The following KHDC1 variants were observed in gnomAD, a reference collection of about 807,000 sequenced individuals.
KHDC1 encodes KH domain containing 1.
A neutral mutation model predicts 24.7 loss-of-function variants in KHDC1; 21 were observed. The ratio of observed to expected loss-of-function variants is 0.85; its 90% CI spans 0.60 to 1.23. KHDC1 has a LOEUF of 1.23. Ranked by LOEUF, KHDC1 falls within the 50% of genes most tolerant of loss-of-function variation. The probability of loss-of-function intolerance (pLI) is 0.00; values close to 1 mark genes in which losing one functional copy is unlikely to be tolerated. For synonymous variants in KHDC1, 98 were observed against 111.7 expected (o/e 0.88, Z 0.77); for missense variants, 274 against 298.5 (o/e 0.92, Z 0.61).
At chr6:73,259,852 C>A (rs1766947430) in intron 2 of KHDC1, among the ~76,000 whole-genome samples, 1 of 152,146 alleles carries the variant, frequency 6.6e-6, no homozygotes, top group South Asian at 2.1e-4. Flanking sequence ...CCTAACTAGG[C>A]ATTTACCATA....
At chr6:73,277,857 G>A (rs1472920709) in intron 2 of KHDC1, among the ~76,000 whole-genome samples, 1 of 131,706 alleles carries the variant, frequency 7.6e-6, no homozygotes, top group Non-Finnish European at 1.6e-5. Flanking sequence ...GATGGAGATC[G>A]TGTCTCAAAA....
At chr6:73,276,619 G>A (rs541662638) in intron 2 of KHDC1, 1 of 152,014 alleles carries the variant, frequency 6.6e-6, no homozygotes, top group South Asian at 2.1e-4. Flanking sequence ...GTGAGCAGTG[G>A]TTGCACCACC....
rs1359273984 is a variant in KHDC1, at chr6:73,242,066, T to TGATAG, written c.498_502dup (p.His168ProfsTer19). 6.2e-7 allele frequency: 1 copy of TGATAG among 1,612,586 alleles called. No individual in the cohort carries two copies. Among genetic ancestry groups the TGATAG allele is most frequent in the African/African-American group, 1.3e-5 (1 of 74,898 alleles). On this transcript the variant is annotated frameshift_variant, in exon 4 of 5. Coordinates refer to ENST00000370384, the Ensembl canonical transcript of KHDC1. LOFTEE classifies it low-confidence loss of function (END_TRUNC). ...CCAAGGATACCTACCTCGAGCATGA[T>TGATAG]GATAGGAGTCCTGGCTCCCCACACA...
At chr6:73,292,912 C>A in intron 1 of KHDC1, 4 of 815,348 alleles carry the variant, frequency 4.9e-6, no homozygotes, top group Non-Finnish European at 8.3e-6. Context: ...TGAACGACTT[C>A]TTGGTGGCTT....
chr6:73,304,261 CTG>C (rs1214249094), intron 1 of KHDC1, among the ~76,000 whole-genome samples: 1 of 151,974 alleles, frequency 6.6e-6, no homozygotes, highest in Non-Finnish European at 1.5e-5. Flanking sequence ...TATTGAAACA[CTG>C]TGATTTTTGA....
chr6:73,301,343 C>G (rs555783044), intron 1 of KHDC1: 1 of 152,260 alleles, frequency 6.6e-6, no homozygotes, highest in Non-Finnish European at 1.5e-5. Context: ...ATAACTCTAA[C>G]TCACTGTTAA....
intron 2 of KHDC1, among the ~76,000 whole-genome samples, chr6:73,248,391 CTG>C (rs1364939626): frequency 1.3e-5 from 2 of 151,670 alleles, no homozygotes; most frequent in Non-Finnish European, 2.9e-5. Context: ...TCTCCTCTAT[CTG>C]TCTCTCTCTC....
intron 2 of KHDC1, among the ~76,000 whole-genome samples, chr6:73,263,997 G>A (rs1454127656): frequency 6.6e-6 from 1 of 152,148 alleles, no homozygotes; most frequent in Non-Finnish European, 1.5e-5. Context: ...CCAGGAGTTC[G>A]AAACCAGCTG....
chr6:73,288,613 T>C (rs1767565339), intron 2 of KHDC1, among the ~76,000 whole-genome samples: 1 of 147,780 alleles, frequency 6.8e-6, no homozygotes, highest in Admixed American at 6.7e-5. Context: ...AGAGTAAGAC[T>C]TCGTCTTAAA....
Position 73,264,529 on chromosome 6 carries a change from A to G in KHDC1, c.207-21999T>C, listed in dbSNP as rs530363781. On this transcript the variant is annotated intron_variant, in intron 2 of 4. Transcript: ENST00000370384. ...CTGTAGGAACCCAGGACCTGTGAGC[A>G]GGTAGAGTCCTGAAGGTTTAAGATT... Among the ~76,000 whole-genome samples the G allele has an allele frequency of 4.6e-5, 7 of 152,314 alleles. No individual in the cohort carries two copies. The East Asian group carries it at 1.4e-3, about 29-fold the overall frequency.
intron 2 of KHDC1, among the ~76,000 whole-genome samples, chr6:73,273,775 C>T (rs1430602942): frequency 1.3e-5 from 2 of 151,974 alleles, no homozygotes; most frequent in Non-Finnish European, 2.9e-5. Flanking sequence ...GCCGAGATCA[C>T]GCCACTGCCC....
intron 2 of KHDC1, among the ~76,000 whole-genome samples, chr6:73,277,733 T>C (rs1186711298): frequency 6.6e-6 from 1 of 151,852 alleles, no homozygotes; most frequent in Non-Finnish European, 1.5e-5. Context: ...TGTACCTATA[T>C]AGTCCCACCT....
intron 2 of KHDC1, among the ~76,000 whole-genome samples, chr6:73,258,342 C>G (rs1212031225): frequency 6.6e-6 from 1 of 151,970 alleles, no homozygotes; most frequent in Non-Finnish European, 1.5e-5. Flanking sequence ...ACTTGGGAGA[C>G]TAAGGTGGAA....
intron 2 of KHDC1, among the ~76,000 whole-genome samples, chr6:73,245,149 C>A (rs964071728): frequency 6.6e-6 from 1 of 152,074 alleles, no homozygotes; most frequent in Non-Finnish European, 1.5e-5. Flanking sequence ...GATACCAGAA[C>A]ATGTATCTTG....
rs16883571 is a variant in KHDC1, at chr6:73,309,615, G to A, written c.100C>T (p.Gln34Ter). 129,691 of 1,548,984 alleles carry A rather than the reference G, an allele frequency of 0.084. 5,900 individuals are homozygous for A. Among genetic ancestry groups the A allele is most frequent in the African/African-American group, 0.1 (7,275 of 73,056 alleles). ...CCGATCAGGAGCATCGCAAGGGTCT[G>A]GAGAAAGGGCCATCCATAAATGAAG... is the stretch of plus-strand genomic sequence containing the variant. The change falls in exon 1 of 5, where the codon CAG becomes TAG. Residue 34 changes from glutamine to a stop codon, truncating the protein, a stop_gained. Coordinates refer to ENST00000370384, the Ensembl canonical transcript of KHDC1. LOFTEE classifies it high-confidence loss of function.
chr6:73,262,060 C>T (rs1766990611), intron 2 of KHDC1, among the ~76,000 whole-genome samples: 1 of 151,478 alleles, frequency 6.6e-6, no homozygotes, highest in African/African-American at 2.4e-5. Context: ...GCCTAGGCAG[C>T]AGGAAAGAGG....
At chr6:73,286,951 C>T (rs139178161) in intron 2 of KHDC1, among the ~76,000 whole-genome samples, 5 of 151,178 alleles carry the variant, frequency 3.3e-5, no homozygotes, top group South Asian at 2.1e-4. Flanking sequence ...TGAAAGATGA[C>T]GCAATCCTAC....
intron 2 of KHDC1, chr6:73,268,036 C>G (rs1024699875): frequency 6.4e-6 from 1 of 157,282 alleles, no homozygotes. Flanking sequence ...GGGTTTTTCT[C>G]CATGTTGGTC....
intron 2 of KHDC1, chr6:73,290,380 CTT>C (rs1289311783): frequency 3.5e-6 from 1 of 288,300 alleles, no homozygotes; most frequent in East Asian, 8.1e-5. Context: ...TAAAGGGAAA[CTT>C]TCACAATGTC....
Sources: allele counts gnomAD v4.1 joint callset (sites outside exome capture counted in the v4.1 genomes callset), GRCh38; gene constraint gnomAD v4.1.1; transcripts MANE v1.5; gene names NCBI Gene and HGNC (gene_info 2026-07-23, HGNC 2026-07-21).